MDGA2: variants seen among roughly 807,000 people sequenced by gnomAD.
MDGA2 encodes the protein MAM domain-containing glycosylphosphatidylinositol anchor protein 2.
Under a neutral mutation model 117.8 loss-of-function variants are expected in MDGA2, and 40 were observed. The ratio of observed to expected loss-of-function variants is 0.34; its 90% CI spans 0.26 to 0.44. The LOEUF (loss-of-function observed/expected upper bound fraction) is 0.44, where lower values mean the gene tolerates loss of function less well. Among genes scored for constraint, MDGA2 ranks in the 20% least tolerant of loss-of-function variants. The probability of loss-of-function intolerance (pLI) is 1.00; values close to 1 mark genes in which losing one functional copy is unlikely to be tolerated. For synonymous variants in MDGA2, 452 were observed against 439.0 expected, an observed-to-expected ratio of 1.03 and a Z score of -0.37; for missense variants, 1,123 against 1,250.6, an observed-to-expected ratio of 0.90 and a Z score of 1.54.
chr14:46,847,221 T>C (rs772571235), intron 15 of MDGA2, among the ~76,000 whole-genome samples: 1 of 152,070 alleles, frequency 6.6e-6, no homozygotes, highest in South Asian at 2.1e-4. Flanking sequence ...ATCAAACAAA[T>C]AATAATTTTC....
intron 9 of MDGA2, among the ~76,000 whole-genome samples, chr14:46,952,742 A>G (rs965555973): frequency 2.6e-5 from 4 of 152,036 alleles, no homozygotes; most frequent in African/African-American, 9.7e-5. Context: ...ATGTGAAGAA[A>G]GGCAGAGTCC....
intron 1 of MDGA2, among the ~76,000 whole-genome samples, chr14:47,360,812 A>C (rs1193045235): frequency 6.6e-6 from 1 of 152,164 alleles, no homozygotes; most frequent in Non-Finnish European, 1.5e-5. Context: ...CACAGAAATG[A>C]AAACAACTTA....
intron 6 of MDGA2, among the ~76,000 whole-genome samples, chr14:47,095,335 C>T (rs1481103417): frequency 1.3e-5 from 2 of 151,872 alleles, no homozygotes; most frequent in East Asian, 1.9e-4. Context: ...ATTATTAATG[C>T]TCTTAATGAC....
chr14:47,396,791 T>A (rs1372895665), intron 1 of MDGA2, among the ~76,000 whole-genome samples: 1 of 152,184 alleles, frequency 6.6e-6, no homozygotes, highest in South Asian at 2.1e-4. Flanking sequence ...TGAGATACCA[T>A]CTCATGCCGG....
chr14:47,223,037 G>A (rs2139534385), intron 2 of MDGA2, among the ~76,000 whole-genome samples: 1 of 152,270 alleles, frequency 6.6e-6, no homozygotes, highest in Admixed American at 6.5e-5. Context: ...GAGGTAAAAG[G>A]CACTTCTTAC....
chr14:47,601,613 T>C (rs7145926), intron 1 of MDGA2, among the ~76,000 whole-genome samples: 14,503 of 152,234 alleles, frequency 0.095, 768 homozygotes, highest in Middle Eastern at 0.15. Flanking sequence ...ACATTTCTTA[T>C]TTTAAATAAG....
At chr14:47,319,569 C>A (rs1304444174) in intron 1 of MDGA2, among the ~76,000 whole-genome samples, 1 of 152,098 alleles carries the variant, frequency 6.6e-6, no homozygotes, top group African/African-American at 2.4e-5. Context: ...TCAGGCTCAT[C>A]TCCATATTTT....
At chr14:47,174,911 T>C (rs1026756216) in intron 3 of MDGA2, among the ~76,000 whole-genome samples, 6 of 151,324 alleles carry the variant, frequency 4.0e-5, no homozygotes, top group Non-Finnish European at 7.4e-5. Context: ...GCAAGACTAA[T>C]AAAGAAAAAA....
At chr14:46,951,750 A>G (rs1381460719) in intron 9 of MDGA2, among the ~76,000 whole-genome samples, 3 of 152,000 alleles carry the variant, frequency 2.0e-5, no homozygotes, top group Non-Finnish European at 2.9e-5. Flanking sequence ...ACACAGCCCA[A>G]CCAACAGTCT....
intron 14 of MDGA2, chr14:46,871,940 C>G (rs1353725046): frequency 2.8e-6 from 1 of 361,142 alleles, no homozygotes; most frequent in Non-Finnish European, 5.8e-6. Context: ...TTGAGACCAG[C>G]CTGGGCAACA....
rs187589672 is a variant in MDGA2, at chr14:47,268,287, A to G, written c.420+33124T>C. 7.2e-5 allele frequency among the ~76,000 whole-genome samples: 11 copies of G among 151,886 alleles called. 1 individual carries two copies. The highest frequency in any genetic ancestry group is 2.7e-4 in the African/African-American group (11 of 41,414). ...ACGGGGTTTCACCATGTTGGCCAGG[A>G]TGGTCTCGAACTCCTGACCTCATGT... On this transcript the variant is annotated intron_variant, in intron 2 of 16. Transcript: ENST00000399232.
At chr14:47,383,212 G>A (rs1891676680) in intron 1 of MDGA2, among the ~76,000 whole-genome samples, 1 of 152,114 alleles carries the variant, frequency 6.6e-6, no homozygotes, top group Admixed American at 6.6e-5. Context: ...CAGGGGATGG[G>A]GGAGGGATAG....
chr14:47,359,613 T>C (rs1891069893), intron 1 of MDGA2, among the ~76,000 whole-genome samples: 1 of 151,530 alleles, frequency 6.6e-6, no homozygotes, highest in South Asian at 2.1e-4. Context: ...TTAAGAACTT[T>C]ATCTTTCACC....
At chr14:47,480,824 T>A (rs995717808) in intron 1 of MDGA2, among the ~76,000 whole-genome samples, 1 of 151,950 alleles carries the variant, frequency 6.6e-6, no homozygotes, top group Non-Finnish European at 1.5e-5. Flanking sequence ...TCTTCTGTAA[T>A]AGGACAACGT....
intron 10 of MDGA2, among the ~76,000 whole-genome samples, chr14:46,889,714 A>G (rs1453913918): frequency 6.6e-6 from 1 of 152,026 alleles, no homozygotes; most frequent in Non-Finnish European, 1.5e-5. Context: ...GAATCCTGAC[A>G]GCTTCCCCAG....
At chr14:47,310,471 T>C (rs1021436048) in intron 1 of MDGA2, among the ~76,000 whole-genome samples, 4 of 152,108 alleles carry the variant, frequency 2.6e-5, no homozygotes, top group African/African-American at 9.7e-5. Flanking sequence ...ATCCATCAAA[T>C]ATCTAACTAA....
At chr14:47,518,176 T>C (rs1894793894) in intron 1 of MDGA2, among the ~76,000 whole-genome samples, 1 of 152,162 alleles carries the variant, frequency 6.6e-6, no homozygotes, top group South Asian at 2.1e-4. Flanking sequence ...GATGGTACTC[T>C]AGATTTCTAG....
intron 7 of MDGA2, chr14:47,058,787 G>A: frequency 1.0e-6 from 1 of 985,334 alleles, no homozygotes; most frequent in Non-Finnish European, 1.2e-6. Context: ...CATTCTTTAG[G>A]TTAGGCATCA....
rs534754438 is a variant in MDGA2 at position 47,622,349 on chromosome 14, A to G, written c.280+52168T>C. Among the ~76,000 whole-genome samples, 37 of 152,338 alleles carry G rather than the reference A, an allele frequency of 2.4e-4. 1 individual carries two copies. Among genetic ancestry groups the G allele is most frequent in the Admixed American group, 2.6e-4 (4 of 15,304 alleles). ...ATAGGCATTAAGGAGACAACTGTGA[A>G]GGGGGCAATTCTGCCTTCATTGAGT... On this transcript the variant is annotated intron_variant, in intron 1 of 16. Coordinates refer to ENST00000399232, the MANE Select transcript of MDGA2 (RefSeq NM_001113498.3).
Sources: gnomAD v4.1 joint callset for allele counts (sites outside exome capture counted in the v4.1 genomes callset) on GRCh38, gnomAD v4.1.1 for gene constraint, MANE v1.5 for transcripts, NCBI Gene and HGNC (gene_info 2026-07-23, HGNC 2026-07-21) for gene names.